The following ERMP1 variants were observed in gnomAD, a reference collection of about 807,000 sequenced individuals.
ERMP1 encodes endoplasmic reticulum metallopeptidase 1.
A neutral mutation model predicts 92.0 loss-of-function variants in ERMP1; 86 were observed. The observed-to-expected ratio is 0.93, with a 90% CI of 0.79 to 1.12. ERMP1 has a LOEUF of 1.12. Among genes scored for constraint, ERMP1 ranks in the 50% most tolerant of loss-of-function variants. The pLI, the probability that ERMP1 is intolerant of heterozygous loss-of-function variation, is 0.00. For synonymous variants in ERMP1, 530 were observed against 412.8 expected, an observed-to-expected ratio of 1.28 and a Z score of -3.44; for missense variants, 1,342 against 1,116.3, an observed-to-expected ratio of 1.20 and a Z score of -2.88.
At position 5,798,989 on chromosome 9, in the gene ERMP1, T is replaced by C. The variant is rs748397632; in HGVS notation, c.2087A>G (p.His696Arg). The change falls in exon 12 of 15, where the codon CAT becomes CGT. Residue 696 changes from histidine (H) to arginine (R), a missense_variant. His to Arg is a conservative substitution (Grantham distance 29, BLOSUM62 0). Coordinates refer to ENST00000339450, the MANE Select transcript of ERMP1 (RefSeq NM_024896.3). The part of the protein sequence containing the change: ...VFLQHMTRTF[H>R]DLEGNAVKRD... ...TTTAACTGCATTTCCTTCCAAGTCA[T>C]GGAATGTTCTAGTCATATGCTGAAA... 1.9e-6 allele frequency: 3 copies of C among 1,613,624 alleles called. No homozygotes were observed. Among genetic ancestry groups the C allele is most frequent in the Admixed American group, 3.3e-5 (2 of 60,012 alleles).
intron 8 of ERMP1, 27 bp from the exon 9 acceptor site, chr9:5,805,812 G>A (rs1431980661): frequency 1.3e-6 from 2 of 1,549,368 alleles, no homozygotes; most frequent in Non-Finnish European, 1.7e-6. Flanking sequence ...TATACAAGTA[G>A]TCTCATTCAG....
At chr9:5,827,843 T>A (rs1359391771) in intron 2 of ERMP1, among the ~76,000 whole-genome samples, 5 of 139,782 alleles carry the variant, frequency 3.6e-5, no homozygotes. Context: ...CAAGGCATGG[T>A]GGTGGGCGCC....
intron 7 of ERMP1, 138 bp from the exon 8 acceptor site, chr9:5,810,369 T>C: frequency 3.2e-6 from 2 of 626,318 alleles, no homozygotes; most frequent in Non-Finnish European, 5.6e-6. Flanking sequence ...TGTCCTAGTG[T>C]TGAGATTGGC....
chr9:5,824,058 T>C, intron 3 of ERMP1, 57 bp from the exon 4 acceptor site: 1 of 1,425,064 alleles, frequency 7.0e-7, no homozygotes, highest in Admixed American at 1.8e-5. Flanking sequence ...TTATCAGTCT[T>C]GATTTTGCTT....
Position 5,806,599 on chromosome 9 carries a change from TA to T in ERMP1, c.1549-815del, listed in dbSNP as rs971548649. Reference sequence around the variant, plus strand: ...ACACACCACTACACCCAGCAAAGTTTAAAAAAAACATTTTTTTTTTGGCAGA... The same window carrying T: ...ACACACCACTACACCCAGCAAAGTTTAAAAAAACATTTTTTTTTTGGCAGA... On this transcript the variant is annotated intron_variant, in intron 8 of 14. Transcript: ENST00000339450. Among the ~76,000 whole-genome samples the T allele has an allele frequency of 1.3e-5, 2 of 151,352 alleles. 1 individual carries two copies. Among genetic ancestry groups the T allele is most frequent in the South Asian group, 4.2e-4 (2 of 4,780 alleles).
At chr9:5,814,027 A>T (rs774834151) in intron 4 of ERMP1, among the ~76,000 whole-genome samples, 192 of 152,162 alleles carry the variant, frequency 1.3e-3, no homozygotes, top group Non-Finnish European at 1.9e-3. Context: ...TTCTGTACCT[A>T]TTAACTGCAG....
chr9:5,826,848 T>C (rs1483318942), intron 2 of ERMP1, among the ~76,000 whole-genome samples: 1 of 152,214 alleles, frequency 6.6e-6, no homozygotes, highest in Non-Finnish European at 1.5e-5. Flanking sequence ...AAGGTATCTA[T>C]ACAGGGTTGA....
At chr9:5,865,140 T>G (rs1830613374) in intron 5 of ERMP1, among the ~76,000 whole-genome samples, 1 of 14,582 alleles carries the variant, frequency 6.9e-5, no homozygotes, top group South Asian at 0.1. Flanking sequence ...AAATGTTCCT[T>G]TATATAAAAT....
rs1392739572 is a variant in ERMP1 at position 5,832,788 on chromosome 9, G to T, written c.240C>A (p.Tyr80Ter). ...GCACCAGCGTCCGCAGCGCGATCAG[G>T]TAGAGCGCGAGCCCCAGCGCGGCGC... ...EVRAALGLAL[Y>*]LIALRTLVQL... The change falls in exon 1 of 15, where the codon TAC becomes TAA. Residue 80 changes from tyrosine to a stop codon, truncating the protein, a stop_gained. Transcript: ENST00000339450. LOFTEE classifies it high-confidence loss of function. 9 of 1,502,332 alleles carry T rather than the reference G, an allele frequency of 6.0e-6. No homozygotes were observed. Among genetic ancestry groups the T allele is most frequent in the Non-Finnish European group, 7.9e-6 (9 of 1,133,886 alleles). 93.1% of individuals were successfully genotyped at this position (1,502,332 alleles called of 1,614,324 possible). A position where few individuals can be genotyped will look rare whatever the true frequency, so the allele number is the denominator to read the frequency against.
chr9:5,861,174 T>G (rs1355080200), intron 5 of ERMP1, among the ~76,000 whole-genome samples: 20 of 113,326 alleles, frequency 1.8e-4, no homozygotes, highest in Non-Finnish European at 2.5e-4. Flanking sequence ...TTAGGGGGTG[T>G]GTGTGTGTGT....
In ERMP1 at chr9:5,841,172, T is replaced by C. The variant is rs141495823; in HGVS notation, n.3200-7860A>G. On this transcript the variant is annotated intron_variant and non_coding_transcript_variant, in intron 6 of 6. Transcript: ENST00000690753. ...ATCTCAAGTCTTTAGTTCCCCTTGG[T>C]ACATTAGCAATCCATAAGCAGAAAG... Among the ~76,000 whole-genome samples the C allele has an allele frequency of 3.6e-3, 548 of 152,336 alleles. 3 individuals carry two copies. The highest frequency in any genetic ancestry group is 0.013 in the African/African-American group (522 of 41,576).
chr9:5,809,147 G>C (rs564058389), intron 8 of ERMP1, among the ~76,000 whole-genome samples: 4 of 151,852 alleles, frequency 2.6e-5, no homozygotes, highest in African/African-American at 9.7e-5. Flanking sequence ...TCAGCCTCCC[G>C]AGCAGCTGGG....
intron 8 of ERMP1, among the ~76,000 whole-genome samples, chr9:5,809,003 G>C (rs1217382445): frequency 6.6e-6 from 1 of 152,078 alleles, no homozygotes; most frequent in South Asian, 2.1e-4. Context: ...ACAGGCATGA[G>C]CCACAGCACC....
chr9:5,844,426 C>T (rs938435076), intron 6 of ERMP1, among the ~76,000 whole-genome samples: 4 of 152,124 alleles, frequency 2.6e-5, no homozygotes, highest in African/African-American at 9.7e-5. Flanking sequence ...AGGCATGTAC[C>T]ACCATGCCTG....
chr9:5,865,368 C>T (rs564582294), intron 5 of ERMP1, among the ~76,000 whole-genome samples: 9 of 151,934 alleles, frequency 5.9e-5, no homozygotes, highest in Non-Finnish European at 1.2e-4. Flanking sequence ...ATTAGCTGAG[C>T]GCGGTGGCAG....
At chr9:5,800,550 C>T (rs1183757767) in intron 11 of ERMP1, among the ~76,000 whole-genome samples, 1 of 152,074 alleles carries the variant, frequency 6.6e-6, no homozygotes, top group Non-Finnish European at 1.5e-5. Flanking sequence ...GTGGCGAGCG[C>T]CTGTAATACC....
At chr9:5,806,142 T>C (rs1828862180) in intron 8 of ERMP1, among the ~76,000 whole-genome samples, 2 of 152,194 alleles carry the variant, frequency 1.3e-5, no homozygotes, top group African/African-American at 4.8e-5. Flanking sequence ...CCAAACACTG[T>C]TTCAAGCAAA....
chr9:5,833,598 A>C (rs1830039286), upstream of ERMP1, among the ~76,000 whole-genome samples: 1 of 152,224 alleles, frequency 6.6e-6, no homozygotes, highest in African/African-American at 2.4e-5. Context: ...AAAGAAAAAT[A>C]ATGGCTATTA....
Position 5,787,524 on chromosome 9 carries a change from T to C in ERMP1, c.2456A>G (p.Asn819Ser), listed in dbSNP as rs778417508. The C allele has an allele frequency of 4.3e-5, 69 of 1,614,130 alleles. 1 individual carries two copies. The highest frequency in any genetic ancestry group is 1.5e-4 in the South Asian group (14 of 91,074). Residue 819 changes from asparagine to serine, a missense_variant, in exon 14 of 15, where the codon AAT (asparagine) becomes AGT (serine). Physicochemically the swap from Asn to Ser is conservative, Grantham distance 46 (BLOSUM62 1). Transcript: ENST00000339450. The stretch of plus-strand genomic sequence containing the variant: ...TCCTTTACTTGTGACTGGGGTGCCA[T>C]TGCCAAGAGACCACTGAGAAAGTGT... Reference protein sequence around the residue: ...GSTLSQWSLGNGTPVTSKGGD... With the variant: ...GSTLSQWSLGSGTPVTSKGGD...
Sources: allele counts gnomAD v4.1 joint callset (sites outside exome capture counted in the v4.1 genomes callset), GRCh38; gene constraint gnomAD v4.1.1; transcripts MANE v1.5; gene names NCBI Gene and HGNC (gene_info 2026-07-23, HGNC 2026-07-21).